Variants in DDHD1 observed in about 807,000 individuals in gnomAD.
The protein encoded by DDHD1 is DDHD domain containing 1, also known as phospholipase DDHD1.
In DDHD1, 49 loss-of-function variants were observed where a neutral mutation model predicts 96.4. That is an observed-to-expected ratio of 0.51 (90% CI 0.40 to 0.64). The LOEUF (loss-of-function observed/expected upper bound fraction) is 0.64. DDHD1 is among the 30% of genes least tolerant of loss of function. DDHD1 has a pLI of 0.00. For synonymous variants in DDHD1, 442 were observed against 446.5 expected (o/e 0.99, Z 0.13); for missense variants, 1,106 against 1,161.2 (o/e 0.95, Z 0.69).
At chr14:53,121,684 C>G (rs1420545419) in intron 1 of DDHD1, among the ~76,000 whole-genome samples, 1 of 152,024 alleles carries the variant, frequency 6.6e-6, no homozygotes, top group East Asian at 1.9e-4. Context: ...AACAGAAAAC[C>G]AAATACCCCA....
chr14:53,095,398 T>C (rs1886806754), intron 2 of DDHD1, among the ~76,000 whole-genome samples: 1 of 152,142 alleles, frequency 6.6e-6, no homozygotes, highest in Admixed American at 6.5e-5. Flanking sequence ...TATAAAAAGA[T>C]ATAGCTCTGG....
rs140232112 is a variant in DDHD1 at position 53,119,667 on chromosome 14, G to A, written c.839-15811C>T. On this transcript the variant is annotated intron_variant, in intron 1 of 12. Coordinates refer to ENST00000673822, the MANE Select transcript of DDHD1 (RefSeq NM_001160148.2). Reference sequence around the variant, plus strand: ...GTTCAACACATGCAAATCAATAAACGTAATCCATCATATAAAGAGAATCAA... The same window carrying A: ...GTTCAACACATGCAAATCAATAAACATAATCCATCATATAAAGAGAATCAA... Among the ~76,000 whole-genome samples the A allele has an allele frequency of 2.0e-5, 3 of 152,218 alleles. No individual in the cohort carries two copies. The East Asian group carries it at 5.8e-4, about 29-fold the overall frequency.
At chr14:53,049,657 C>CAAAAAAAAAAAAA (rs11323291) in intron 12 of DDHD1, among the ~76,000 whole-genome samples, 1 of 84,716 alleles carries the variant, frequency 1.2e-5, no homozygotes, top group African/African-American at 4.5e-5. Flanking sequence ...TGAGCTAGGT[C>CAAAAAAAAAAAAA]AAAAAAAAAA....
intron 1 of DDHD1, among the ~76,000 whole-genome samples, chr14:53,115,101 C>T (rs1219648019): frequency 1.3e-5 from 2 of 151,844 alleles, no homozygotes; most frequent in Non-Finnish European, 2.9e-5. Context: ...ATAGCCAAAT[C>T]GATCAAGTGG....
chr14:53,128,930 C>T (rs1889662834), intron 1 of DDHD1, among the ~76,000 whole-genome samples: 1 of 152,122 alleles, frequency 6.6e-6, no homozygotes, highest in Admixed American at 6.5e-5. Context: ...TGTGATAATG[C>T]ACTTTGTGAT....
chr14:53,099,686 C>T (rs1159058884), intron 2 of DDHD1, among the ~76,000 whole-genome samples: 1 of 152,038 alleles, frequency 6.6e-6, no homozygotes, highest in Non-Finnish European at 1.5e-5. Context: ...TAATGTTTAC[C>T]AAATTACTTG....
At chr14:53,152,173 T>G in intron 1 of DDHD1, 88 bp downstream of exon 1, 7 of 1,347,636 alleles carry the variant, frequency 5.2e-6, no homozygotes, top group African/African-American at 1.5e-5. Flanking sequence ...GCCTCCCTCT[T>G]CGCGGCGACC....
At position 53,043,392 on chromosome 14, in the gene DDHD1, A is replaced by AGTGTAT. The variant is rs1881791188; in HGVS notation, c.*3375_*3376insATACAC. On this transcript the variant is annotated 3_prime_UTR_variant, in exon 13 of 13. Transcript: ENST00000673822. ...CAAAAGAGCAGTTATTAGAACATCC[A>AGTGTAT]GTGTGTGTGTGTGTGTGTGTGTGTG... The AGTGTAT allele has an allele frequency of 8.9e-6, 1 of 112,440 alleles. No homozygotes were observed. Among genetic ancestry groups the AGTGTAT allele is most frequent in the Non-Finnish European group, 2.1e-5 (1 of 47,700 alleles). 7.0% of individuals were successfully genotyped at this position (112,440 alleles called of 1,614,324 possible). A position where few individuals can be genotyped will look rare whatever the true frequency, so the allele number is the denominator to read the frequency against.
intron 1 of DDHD1, among the ~76,000 whole-genome samples, chr14:53,127,602 G>C (rs1408009004): frequency 1.3e-5 from 2 of 152,178 alleles, no homozygotes; most frequent in African/African-American, 4.8e-5. Context: ...CAGCCATTTG[G>C]TAGAACTAAA....
At chr14:53,150,986 A>G (rs1891305333) in intron 1 of DDHD1, among the ~76,000 whole-genome samples, 1 of 152,202 alleles carries the variant, frequency 6.6e-6, no homozygotes, top group Admixed American at 6.5e-5. Context: ...TAAGAAATTA[A>G]ATTTCCTGCT....
At chr14:53,126,166 C>A (rs1432516368) in intron 1 of DDHD1, among the ~76,000 whole-genome samples, 1 of 152,120 alleles carries the variant, frequency 6.6e-6, no homozygotes, top group Non-Finnish European at 1.5e-5. Context: ...TTCTCTAAAT[C>A]TGATCATTTA....
At chr14:53,091,708 C>T in intron 4 of DDHD1, 77 bp downstream of exon 4, 1 of 1,434,160 alleles carries the variant, frequency 7.0e-7, no homozygotes. Context: ...AATTAGTATA[C>T]TGTTAATATC....
intron 1 of DDHD1, among the ~76,000 whole-genome samples, chr14:53,128,804 C>T (rs900838822): frequency 9.9e-5 from 15 of 152,184 alleles, no homozygotes; most frequent in Non-Finnish European, 1.8e-4. Context: ...AGGTATACAT[C>T]CAGATGGCTT....
chr14:53,078,328 T>C (rs532405714), intron 4 of DDHD1, among the ~76,000 whole-genome samples: 86 of 152,308 alleles, frequency 5.6e-4, no homozygotes, highest in African/African-American at 2.0e-3. Context: ...GGGTATAAAG[T>C]GGTACCTTTA....
At chr14:53,136,590 C>G (rs1890258677) in intron 1 of DDHD1, among the ~76,000 whole-genome samples, 1 of 152,096 alleles carries the variant, frequency 6.6e-6, no homozygotes, top group African/African-American at 2.4e-5. Flanking sequence ...GGGAAAAGAA[C>G]CACTGGAAAG....
At position 53,042,170 on chromosome 14, in the gene DDHD1, A is replaced by G. The variant is rs1246940002; in HGVS notation, c.*4598T>C. ...GCCAAATTAAAAAATATGGTTAAAT[A>G]AATTTGGAGGCCCCCACGCAGCACC... On this transcript the variant is annotated 3_prime_UTR_variant, in exon 13 of 13. Coordinates refer to ENST00000673822, the MANE Select transcript of DDHD1 (RefSeq NM_001160148.2). 3.3e-5 allele frequency: 5 copies of G among 152,176 alleles called. No individual in the cohort carries two copies. The highest frequency in any genetic ancestry group is 3.3e-4 in the Admixed American group (5 of 15,270). 9.4% of individuals were successfully genotyped at this position (152,176 alleles called of 1,614,324 possible). A position where few individuals can be genotyped will look rare whatever the true frequency, so the allele number is the denominator to read the frequency against.
intron 8 of DDHD1, 45 bp downstream of exon 8, chr14:53,061,081 A>C: frequency 6.5e-7 from 1 of 1,548,216 alleles, no homozygotes; most frequent in South Asian, 1.2e-5. Flanking sequence ...GACGTTAAAA[A>C]AAATACTGAG....
At chr14:53,057,466 T>C (rs1406870907) in intron 9 of DDHD1, among the ~76,000 whole-genome samples, 1 of 152,196 alleles carries the variant, frequency 6.6e-6, no homozygotes, top group Non-Finnish European at 1.5e-5. Context: ...ATCTTACAAT[T>C]CTATTAGGCT....
chr14:53,137,313 C>G (rs537688531), intron 1 of DDHD1, among the ~76,000 whole-genome samples: 2 of 152,226 alleles, frequency 1.3e-5, no homozygotes, highest in South Asian at 4.2e-4. Flanking sequence ...CAGGGCAGGC[C>G]AGGTGCGGTG....
Sources: gnomAD v4.1 joint callset for allele counts (sites outside exome capture counted in the v4.1 genomes callset) on GRCh38, gnomAD v4.1.1 for gene constraint, MANE v1.5 for transcripts, NCBI Gene and HGNC (gene_info 2026-07-23, HGNC 2026-07-21) for gene names.